The following PRKCI variants were observed in gnomAD, a reference collection of about 807,000 sequenced individuals.
PRKCI encodes protein kinase C iota.
PRKCI carries 43 observed loss-of-function variants against 84.0 expected under a neutral mutation model. The observed-to-expected ratio is 0.51, with a 90% confidence interval of 0.40 to 0.66. PRKCI has a LOEUF of 0.66. Among genes scored for constraint, PRKCI ranks in the 30% least tolerant of loss-of-function variants. The pLI is 0.00. For missense variants in PRKCI, 459 were observed against 745.6 expected (o/e 0.62, Z 4.48); for synonymous variants, 216 against 234.4 (o/e 0.92, Z 0.72).
chr3:170,281,765 C>T, intron 10 of PRKCI, 117 bp from the exon 11 acceptor site: 1 of 1,378,230 alleles, frequency 7.3e-7, no homozygotes. Flanking sequence ...AAAATTTTGG[C>T]ATCTTTTTAA....
chr3:170,260,066 A>T lies in PRKCI; in HGVS notation c.313+8A>T, dbSNP rs778760781. The T allele has an allele frequency of 1.3e-6, 2 of 1,571,458 alleles. No individual in the cohort carries two copies. The highest frequency in any genetic ancestry group is 1.1e-5 in the South Asian group (1 of 88,354). On this transcript the variant is annotated splice_region_variant and intron_variant, in intron 3 of 17. Transcript: ENST00000295797. ...CTGAACTCTTGATTCATGGTAAGAG[A>T]GTAGTCATTTCATACTCGTCCAGAC... is the stretch of plus-strand genomic sequence containing the variant.
At chr3:170,254,704 C>G (rs1274892287) in intron 2 of PRKCI, among the ~76,000 whole-genome samples, 1 of 152,160 alleles carries the variant, frequency 6.6e-6, no homozygotes, top group East Asian at 1.9e-4. Context: ...TATGCCAGCA[C>G]CATCCTGCTT....
intron 12 of PRKCI, among the ~76,000 whole-genome samples, chr3:170,289,653 C>T (rs929750689): frequency 5.3e-5 from 8 of 152,170 alleles, no homozygotes; most frequent in African/African-American, 1.9e-4. Context: ...TGGCTCACTC[C>T]TGTAATCCCA....
chr3:170,296,948 T>C (rs533930848), intron 15 of PRKCI, among the ~76,000 whole-genome samples: 50 of 152,278 alleles, frequency 3.3e-4, no homozygotes, highest in Admixed American at 6.5e-4. Context: ...AAAAACAAAC[T>C]TCTCATGAAG....
At position 170,267,121 on chromosome 3, in the gene PRKCI, G is replaced by A. The variant is rs572460893; in HGVS notation, c.365-794G>A. Reference sequence around the variant, plus strand: ...TTGTGGTTAGGTAGAATTGGGTGGCGGGGGGGTGCGGAATATCCTTAATCT... The same window carrying A: ...TTGTGGTTAGGTAGAATTGGGTGGCAGGGGGGTGCGGAATATCCTTAATCT... On this transcript the variant is annotated intron_variant, in intron 4 of 17. Coordinates refer to ENST00000295797, the MANE Select transcript of PRKCI (RefSeq NM_002740.6). 3.3e-5 allele frequency among the ~76,000 whole-genome samples: 5 copies of A among 152,046 alleles called. No individual in the cohort carries two copies. In the South Asian group the frequency reaches 6.2e-4, roughly 19 times the overall value.
intron 2 of PRKCI, among the ~76,000 whole-genome samples, chr3:170,249,253 A>G (rs550730077): frequency 6.6e-5 from 10 of 152,248 alleles, no homozygotes; most frequent in African/African-American, 2.2e-4. Flanking sequence ...ATTTGGTTCA[A>G]TCTTTTTTTT....
At chr3:170,281,073 C>A in intron 9 of PRKCI, 93 bp from the exon 10 acceptor site, 1 of 966,620 alleles carries the variant, frequency 1.0e-6, no homozygotes, top group South Asian at 1.5e-5. Context: ...GCCTAGTTAA[C>A]CATTGCATTT....
intron 12 of PRKCI, among the ~76,000 whole-genome samples, chr3:170,286,676 A>G (rs1734402014): frequency 6.6e-6 from 1 of 152,008 alleles, no homozygotes. Flanking sequence ...TGATCCGGTA[A>G]TTCTGCCCTT....
At chr3:170,249,638 GA>G (rs994506657) in intron 2 of PRKCI, among the ~76,000 whole-genome samples, 1 of 151,728 alleles carries the variant, frequency 6.6e-6, no homozygotes, top group African/African-American at 2.4e-5. Context: ...AAAAAGAAAG[GA>G]AAAAAAGCCA....
At chr3:170,239,868 C>T (rs142526554) in intron 2 of PRKCI, among the ~76,000 whole-genome samples, 1 of 152,026 alleles carries the variant, frequency 6.6e-6, no homozygotes, top group East Asian at 1.9e-4. Flanking sequence ...ATATTTGTGG[C>T]TGAGTGCGGT....
chr3:170,294,747 T>C (rs1213409099), intron 14 of PRKCI, among the ~76,000 whole-genome samples: 1 of 152,186 alleles, frequency 6.6e-6, no homozygotes, highest in African/African-American at 2.4e-5. Context: ...CATAATTAGG[T>C]AGTCAAAGAA....
At chr3:170,234,922 C>T (rs2108837037) in intron 1 of PRKCI, among the ~76,000 whole-genome samples, 1 of 152,034 alleles carries the variant, frequency 6.6e-6, no homozygotes, top group South Asian at 2.1e-4. Context: ...AAGGATCCTC[C>T]CACCTCAGCC....
intron 1 of PRKCI, among the ~76,000 whole-genome samples, chr3:170,234,225 T>G (rs1179828459): frequency 1.3e-5 from 2 of 151,648 alleles, no homozygotes; most frequent in Admixed American, 6.6e-5. Context: ...GAGTCAGGGT[T>G]TCTCCATATT....
At chr3:170,300,648 A>G (rs1207219051) in intron 17 of PRKCI, among the ~76,000 whole-genome samples, 4 of 151,230 alleles carry the variant, frequency 2.6e-5, no homozygotes, top group African/African-American at 9.7e-5. Flanking sequence ...CCTCTAATCA[A>G]ACTTCTTCAG....
chr3:170,235,532 C>T (rs774644039), intron 2 of PRKCI, among the ~76,000 whole-genome samples, 181 bp downstream of exon 2: 9 of 150,692 alleles, frequency 6.0e-5, no homozygotes, highest in Non-Finnish European at 1.2e-4. Flanking sequence ...TTTTTTTGCC[C>T]CTTTTACGCC....
At chr3:170,267,598 G>A (rs1011091981) in intron 4 of PRKCI, among the ~76,000 whole-genome samples, 1 of 150,724 alleles carries the variant, frequency 6.6e-6, no homozygotes, top group Non-Finnish European at 1.5e-5. Context: ...ACTTGAACCC[G>A]GGAGGTGGAG....
chr3:170,284,034 T>G (rs1377334532), intron 11 of PRKCI, among the ~76,000 whole-genome samples: 9 of 152,206 alleles, frequency 5.9e-5, no homozygotes, highest in Non-Finnish European at 8.8e-5. Flanking sequence ...TGTAGTATTC[T>G]TTCTATTCTC....
At position 170,281,180 on chromosome 3, in the gene PRKCI, A is replaced by G; in HGVS notation, c.897A>G (p.Val299=). ...TTTCAAAATAGGATATTGATTGGGT[A>G]CAGACAGAGAAGCATGTGTTTGAGC... ...LVNDDEDIDW[V]QTEKHVFEQA... Residue 299 remains valine, a synonymous_variant, in exon 10 of 18, where the codon GTA becomes GTG. Transcript: ENST00000295797. 1 of 1,613,148 alleles carries G rather than the reference A, an allele frequency of 6.2e-7. No homozygotes were observed. The highest frequency in any genetic ancestry group is 1.7e-5 in the Admixed American group (1 of 60,010).
Position 170,281,239 on chromosome 3 carries a change from A to G in PRKCI, c.956A>G (p.His319Arg). The G allele has an allele frequency of 6.2e-7, 1 of 1,613,904 alleles. No individual in the cohort carries two copies. Among genetic ancestry groups the G allele is most frequent in the Non-Finnish European group, 8.5e-7 (1 of 1,179,930 alleles). Reference sequence around the variant, plus strand: ...AATCATCCTTTCCTTGTTGGGCTGCATTCTTGCTTTCAGACAGAAAGCAGG... The same window carrying G: ...AATCATCCTTTCCTTGTTGGGCTGCGTTCTTGCTTTCAGACAGAAAGCAGG... ...ASNHPFLVGL[H>R]SCFQTESRLF... Residue 319 changes from histidine to arginine, a missense_variant, in exon 10 of 18, where the codon CAT becomes CGT. This residue lies in a region of PRKCI where 209 missense variants were observed against 425.9 expected (regional missense o/e 0.49). Transcript: ENST00000295797.
Sources: gnomAD v4.1 joint callset for allele counts (sites outside exome capture counted in the v4.1 genomes callset) on GRCh38, gnomAD v4.1.1 for gene constraint, gnomAD v4.1.1 regional missense constraint, MANE v1.5 for transcripts, NCBI Gene and HGNC (gene_info 2026-07-23, HGNC 2026-07-21) for gene names.